Variants in EXOC4 observed in about 807,000 individuals in gnomAD.
EXOC4 encodes SEC8-like 1.
EXOC4 carries 71 observed loss-of-function variants against 107.2 expected under a neutral mutation model. That is an observed-to-expected ratio of 0.66 (90% CI 0.55 to 0.81). The LOEUF (loss-of-function observed/expected upper bound fraction) is 0.81. Ranked by LOEUF, EXOC4 falls within the 30% of genes least tolerant of loss-of-function variation. EXOC4 has a pLI of 0.00. For missense variants in EXOC4, 1,108 were observed against 1,189.6 expected, an observed-to-expected ratio of 0.93 and a Z score of 1.01; for synonymous variants, 456 against 441.2, an observed-to-expected ratio of 1.03 and a Z score of -0.42.
chr7:133,734,684 C>T (rs1795400856), intron 10 of EXOC4, among the ~76,000 whole-genome samples: 1 of 151,880 alleles, frequency 6.6e-6, no homozygotes, highest in African/African-American at 2.4e-5. Flanking sequence ...ACATGACATT[C>T]AAAGGAAATG....
chr7:133,698,806 A>G (rs1291224418), intron 10 of EXOC4, among the ~76,000 whole-genome samples: 1 of 152,214 alleles, frequency 6.6e-6, no homozygotes, highest in Non-Finnish European at 1.5e-5. Context: ...ATAGCATGTT[A>G]AGGTTTAGCA....
intron 13 of EXOC4, 54 bp from the exon 14 acceptor site, chr7:133,937,837 G>T (rs1270999187): frequency 3.2e-6 from 5 of 1,579,732 alleles, no homozygotes; most frequent in Non-Finnish European, 4.3e-6. Flanking sequence ...GTGTTGCCCG[G>T]TCCTACCTTT....
chr7:133,370,109 T>C (rs928373470), intron 6 of EXOC4, among the ~76,000 whole-genome samples: 4 of 151,824 alleles, frequency 2.6e-5, no homozygotes, highest in Admixed American at 6.6e-5. Flanking sequence ...AGATTTCTAA[T>C]TTCACTTTAA....
chr7:133,340,221 T>G lies in EXOC4; in HGVS notation c.764-16109T>G, dbSNP rs867105140. Among the ~76,000 whole-genome samples the G allele has an allele frequency of 2.0e-5, 3 of 152,256 alleles. No individual in the cohort carries two copies. In the South Asian group the frequency reaches 6.2e-4, roughly 32 times the overall value. On this transcript the variant is annotated intron_variant, in intron 5 of 17. Coordinates refer to ENST00000253861, the MANE Select transcript of EXOC4 (RefSeq NM_021807.4). ...TTTGCAGAGAGTTTTAATCATAAAG[T>G]GATGCTGGATTTCGTCCAATGTTTT...
chr7:133,724,755 A>C (rs1442202934), intron 10 of EXOC4, among the ~76,000 whole-genome samples: 1 of 152,228 alleles, frequency 6.6e-6, no homozygotes, highest in African/African-American at 2.4e-5. Flanking sequence ...GGAACGGTTC[A>C]TGCAGTTATT....
intron 11 of EXOC4, among the ~76,000 whole-genome samples, chr7:133,818,064 T>G (rs143536526): frequency 6.6e-6 from 1 of 152,290 alleles, no homozygotes; most frequent in African/African-American, 2.4e-5. Flanking sequence ...ACTGAAAATT[T>G]TACTTTATAT....
intron 5 of EXOC4, among the ~76,000 whole-genome samples, chr7:133,317,633 A>T (rs189865687): frequency 6.6e-6 from 1 of 152,070 alleles, no homozygotes; most frequent in African/African-American, 2.4e-5. Flanking sequence ...TGCCTGCTGA[A>T]TCCAGCTGCA....
At position 133,363,924 on chromosome 7, in the gene EXOC4, C is replaced by A. The variant is rs1172849897; in HGVS notation, c.1007+7351C>A. On this transcript the variant is annotated intron_variant, in intron 6 of 17. Coordinates refer to ENST00000253861, the MANE Select transcript of EXOC4 (RefSeq NM_021807.4). ...AAACCTATGTCAAAAGAAATTCTTA[C>A]GTTGATGATGTGTAGGGGTGGTGTC... Among the ~76,000 whole-genome samples the A allele has an allele frequency of 2.6e-5, 4 of 152,106 alleles. 1 individual carries two copies. The highest frequency in any genetic ancestry group is 2.6e-4 in the Admixed American group (4 of 15,266).
intron 4 of EXOC4, among the ~76,000 whole-genome samples, chr7:133,306,955 G>A (rs1357065446): frequency 6.6e-6 from 1 of 152,006 alleles, no homozygotes; most frequent in Non-Finnish European, 1.5e-5. Context: ...GTAGAATATT[G>A]GAATTTTTAA....
In EXOC4 at chr7:133,800,369, G is replaced by A. The variant is rs146833382; in HGVS notation, c.1515-16956G>A. Among the ~76,000 whole-genome samples, 29 of 151,910 alleles carry A rather than the reference G, an allele frequency of 1.9e-4. No individual in the cohort carries two copies. The East Asian group carries it at 2.5e-3, about 13-fold the overall frequency. On this transcript the variant is annotated intron_variant, in intron 10 of 17. Transcript: ENST00000253861. ...ATTCCTTCTGTGTTTTTATGATATC[G>A]TCTTCTTCTAGAGAATTAGTTGACC...
intron 6 of EXOC4, among the ~76,000 whole-genome samples, chr7:133,368,985 G>T (rs893165825): frequency 2.0e-5 from 3 of 152,102 alleles, no homozygotes; most frequent in African/African-American, 7.2e-5. Flanking sequence ...AAGCAACTGA[G>T]CTAGCTGCAA....
chr7:133,993,225 C>G (rs1228968575), intron 14 of EXOC4, among the ~76,000 whole-genome samples: 1 of 152,010 alleles, frequency 6.6e-6, no homozygotes, highest in Non-Finnish European at 1.5e-5. Context: ...TTTATTGTTT[C>G]ACTTTGTCTA....
At chr7:133,778,040 G>A (rs1190742258) in intron 10 of EXOC4, among the ~76,000 whole-genome samples, 3 of 152,034 alleles carry the variant, frequency 2.0e-5, no homozygotes, top group African/African-American at 7.2e-5. Flanking sequence ...GTCTCTGAAA[G>A]GTTTATAAAA....
chr7:133,514,581 A>G (rs1057199424), intron 9 of EXOC4, among the ~76,000 whole-genome samples: 1 of 152,232 alleles, frequency 6.6e-6, no homozygotes, highest in Non-Finnish European at 1.5e-5. Context: ...GAGCAGCATT[A>G]GATAACCCCT....
the EXOC4 span, among the ~76,000 whole-genome samples, chr7:134,076,466 C>T: frequency 2.6e-5 from 4 of 151,672 alleles, no homozygotes; most frequent in African/African-American, 4.9e-5. Flanking sequence ...TGCAGTGAGC[C>T]GAGATCACGC....
chr7:133,913,734 C>T (rs1317787500), intron 12 of EXOC4, among the ~76,000 whole-genome samples: 6 of 152,080 alleles, frequency 3.9e-5, no homozygotes, highest in African/African-American at 1.4e-4. Flanking sequence ...TACAGTAAGC[C>T]TTTGGATATG....
chr7:134,072,227 T>C, the EXOC4 span, among the ~76,000 whole-genome samples: 366 of 152,320 alleles, frequency 2.4e-3, no homozygotes, highest in East Asian at 0.028. Flanking sequence ...AACTTATCTT[T>C]TCCTTCTATC....
At position 133,890,652 on chromosome 7, in the gene EXOC4, T is replaced by C. The variant is rs1389282734; in HGVS notation, c.1735-4947T>C. Reference sequence around the variant, plus strand: ...CAGCTTTCTACATATGGCTAGCCAGTTTTCCCAGCACCATTTATTAAATAG... The same window carrying C: ...CAGCTTTCTACATATGGCTAGCCAGCTTTCCCAGCACCATTTATTAAATAG... On this transcript the variant is annotated intron_variant, in intron 11 of 17. Transcript: ENST00000253861. 1.1e-4 allele frequency among the ~76,000 whole-genome samples: 5 copies of C among 44,314 alleles called. No homozygotes were observed. The East Asian group carries it at 3.3e-3, about 29-fold the overall frequency. 29.1% of individuals were successfully genotyped at this position (44,314 alleles called of 152,430 possible). A position where few individuals can be genotyped will look rare whatever the true frequency, so the allele number is the denominator to read the frequency against.
intron 1 of EXOC4, among the ~76,000 whole-genome samples, chr7:133,255,240 G>A (rs777505167): frequency 5.1e-4 from 77 of 151,622 alleles, no homozygotes; most frequent in Non-Finnish European, 2.4e-4. Context: ...GCAGTGGCGC[G>A]ATCTCGGCTC....
Sources: gnomAD v4.1 joint callset for allele counts (sites outside exome capture counted in the v4.1 genomes callset) on GRCh38, gnomAD v4.1.1 for gene constraint, MANE v1.5 for transcripts, NCBI Gene and HGNC (gene_info 2026-07-23, HGNC 2026-07-21) for gene names.